Variants in ABCC5 observed in about 807,000 individuals in gnomAD.
ABCC5 encodes ATP binding cassette subfamily C member 5.
In ABCC5, 61 loss-of-function variants were observed where a neutral mutation model predicts 160.9. The ratio of observed to expected loss-of-function variants is 0.38; its 90% CI spans 0.31 to 0.47. The LOEUF (loss-of-function observed/expected upper bound fraction) is 0.47. Among genes scored for constraint, ABCC5 ranks in the 20% least tolerant of loss-of-function variants. The pLI is 0.99. For synonymous variants in ABCC5, 666 were observed against 700.6 expected (o/e 0.95, Z 0.78); for missense variants, 1,308 against 1,813.3 (o/e 0.72, Z 5.06).
intron 25 of ABCC5, among the ~76,000 whole-genome samples, chr3:183,940,077 C>T (rs1236366414): frequency 1.3e-5 from 2 of 152,090 alleles, no homozygotes; most frequent in African/African-American, 2.4e-5. Context: ...AGAAGTAACG[C>T]CCAGGAAACT....
intron 5 of ABCC5, chr3:183,985,158 T>G: frequency 1.3e-6 from 1 of 782,374 alleles, no homozygotes; most frequent in Non-Finnish European, 2.0e-6. Flanking sequence ...AAAAAAGAGG[T>G]TTTCATGAAA....
intron 26 of ABCC5, among the ~76,000 whole-genome samples, chr3:183,929,555 A>G (rs535895902): frequency 6.6e-6 from 1 of 152,320 alleles, no homozygotes; most frequent in South Asian, 2.1e-4. Flanking sequence ...GCTCCAGGAC[A>G]GCTGGCCTGA....
At chr3:184,002,908 AG>A (rs1235132221) in intron 2 of ABCC5, among the ~76,000 whole-genome samples, 1 of 152,158 alleles carries the variant, frequency 6.6e-6, no homozygotes, top group African/African-American at 2.4e-5. Flanking sequence ...TCGGTTTCCA[AG>A]GGGGTTAAAG....
chr3:183,961,481 G>T, intron 16 of ABCC5, 30 bp downstream of exon 16: 2 of 1,611,328 alleles, frequency 1.2e-6, no homozygotes, highest in South Asian at 2.2e-5. Context: ...GAGACAGAAG[G>T]GGACACACGC....
At chr3:183,957,976 G>A (rs551092029) in intron 17 of ABCC5, among the ~76,000 whole-genome samples, 4 of 103,990 alleles carry the variant, frequency 3.8e-5, no homozygotes, top group African/African-American at 1.0e-4. Flanking sequence ...ATGCGGATCC[G>A]TGTGTACATC....
chr3:184,002,125 G>A (rs1355423387), intron 2 of ABCC5, among the ~76,000 whole-genome samples: 2 of 152,078 alleles, frequency 1.3e-5, no homozygotes, highest in Non-Finnish European at 2.9e-5. Context: ...CTGCCGGGTG[G>A]GGTGGCTTAT....
rs575448814 is a variant in ABCC5, at chr3:184,017,088, T to G, written c.-56+742A>C. The stretch of plus-strand genomic sequence containing the variant: ...TGCGGACCACAGTAAAACCTAGCCA[T>G]CTCCTCCTCCAAGACCTCCTGAAAC... On this transcript the variant is annotated intron_variant, in intron 1 of 29. Transcript: ENST00000334444. The surrounding 1 kb of genome is among the most constrained non-coding windows in gnomAD (Gnocchi z 4.5). Among the ~76,000 whole-genome samples, 1 of 152,102 alleles carries G rather than the reference T, an allele frequency of 6.6e-6. No individual in the cohort carries two copies. The highest frequency in any genetic ancestry group is 2.4e-5 in the African/African-American group (1 of 41,400).
intron 12 of ABCC5, among the ~76,000 whole-genome samples, chr3:183,966,644 T>C (rs1717242014): frequency 6.6e-6 from 1 of 152,122 alleles, no homozygotes; most frequent in Admixed American, 6.5e-5. Context: ...CAAATCTGGT[T>C]GGTCATCATA....
At chr3:183,957,648 G>GCTTATCCGTGTGTACATCACAT (rs1716241944) in intron 17 of ABCC5, among the ~76,000 whole-genome samples, 1 of 151,084 alleles carries the variant, frequency 6.6e-6, no homozygotes, top group Non-Finnish European at 1.5e-5. Flanking sequence ...TCGGTTACAT[G>GCTTATCCGTGTGTACATCACAT]CGGATCCGTG....
intron 2 of ABCC5, among the ~76,000 whole-genome samples, chr3:184,012,846 A>C (rs1721872950): frequency 6.6e-6 from 1 of 152,244 alleles, no homozygotes; most frequent in African/African-American, 2.4e-5. Flanking sequence ...TAGGGTACAG[A>C]AAAGACTCAT....
intron 11 of ABCC5, among the ~76,000 whole-genome samples, 157 bp from the exon 12 acceptor site, chr3:183,967,923 C>T (rs1288924179): frequency 2.6e-5 from 4 of 152,162 alleles, no homozygotes; most frequent in Non-Finnish European, 5.9e-5. Context: ...TCATTAGCTG[C>T]CTATCTCATG....
intron 5 of ABCC5, chr3:183,983,892 G>C: frequency 1.0e-6 from 1 of 985,420 alleles, no homozygotes; most frequent in Non-Finnish European, 1.2e-6. Context: ...TACAGGACTA[G>C]CCATCTAACA....
rs554035873 is a variant in ABCC5, at chr3:183,988,279, T to C, written c.443+293A>G. 2.0e-5 allele frequency among the ~76,000 whole-genome samples: 3 copies of C among 152,296 alleles called. No individual in the cohort carries two copies. The highest frequency in any genetic ancestry group is 7.2e-5 in the African/African-American group (3 of 41,566). ...AAAGTTGTAAACTACATTTTAATCA[T>C]GACAATCAGCTACCACAAAAATGTA... is the stretch of plus-strand genomic sequence containing the variant. On this transcript the variant is annotated intron_variant, in intron 4 of 29. Coordinates refer to ENST00000334444, the MANE Select transcript of ABCC5 (RefSeq NM_005688.4). This position sits in a 1 kb window ranked among gnomAD's most constrained non-coding sequence, Gnocchi z 4.4.
rs2108749839 is a variant in ABCC5 at position 183,920,699 on chromosome 3, C to T, written c.*601G>A. On this transcript the variant is annotated 3_prime_UTR_variant, in exon 30 of 30. Coordinates refer to ENST00000334444, the MANE Select transcript of ABCC5 (RefSeq NM_005688.4). This position sits in a 1 kb window ranked among gnomAD's most constrained non-coding sequence, Gnocchi z 4.1. Reference sequence around the variant, plus strand: ...TGGTCTCCAGCCGCCCACCCGTCTCCAGCCACCCCTGGAGCGGCCGTGGGG... The same window carrying T: ...TGGTCTCCAGCCGCCCACCCGTCTCTAGCCACCCCTGGAGCGGCCGTGGGG... 6.5e-6 allele frequency: 1 copy of T among 152,808 alleles called. No homozygotes were observed. Among genetic ancestry groups the T allele is most frequent in the Middle Eastern group, 3.4e-3 (1 of 294 alleles). 9.5% of individuals were successfully genotyped at this position (152,808 alleles called of 1,614,324 possible).
chr3:183,921,446 C>A lies in ABCC5; in HGVS notation c.4213-45G>T. 6.4e-7 allele frequency: 1 copy of A among 1,570,922 alleles called. No homozygotes were observed. The highest frequency in any genetic ancestry group is 1.2e-5 in the South Asian group (1 of 84,886). Reference sequence around the variant, plus strand: ...CGTCAGGACACAGCTCTGGGTCATGCAGGGTGATTCAGAGGATCCACGGCT... The same window carrying A: ...CGTCAGGACACAGCTCTGGGTCATGAAGGGTGATTCAGAGGATCCACGGCT... On this transcript the variant is annotated intron_variant, in intron 29 of 29. Transcript: ENST00000334444. The surrounding 1 kb of genome is among the most constrained non-coding windows in gnomAD (Gnocchi z 4.1).
At chr3:184,004,669 C>G (rs1721034151) in intron 2 of ABCC5, among the ~76,000 whole-genome samples, 1 of 152,128 alleles carries the variant, frequency 6.6e-6, no homozygotes, top group Non-Finnish European at 1.5e-5. Flanking sequence ...CCGTGAGAAG[C>G]AAACACAAAG....
intron 2 of ABCC5, among the ~76,000 whole-genome samples, chr3:184,002,609 G>A (rs939949448): frequency 2.6e-5 from 4 of 152,266 alleles, no homozygotes; most frequent in African/African-American, 9.6e-5. Flanking sequence ...GATAATCAGC[G>A]CACCTATCAC....
At chr3:183,989,414 GCA>G in intron 2 of ABCC5, 31 bp from the exon 3 acceptor site, 1 of 1,611,876 alleles carries the variant, frequency 6.2e-7, no homozygotes, top group Non-Finnish European at 8.5e-7. Context: ...AAAGGCAAGA[GCA>G]CAGTTAATAC....
chr3:183,990,025 G>C (rs965808884), intron 2 of ABCC5, among the ~76,000 whole-genome samples: 1 of 151,992 alleles, frequency 6.6e-6, no homozygotes, highest in Admixed American at 6.6e-5. Flanking sequence ...GGCTGGTTTC[G>C]AACTCCTGAC....
Sources: allele counts gnomAD v4.1 joint callset (sites outside exome capture counted in the v4.1 genomes callset), GRCh38; gene constraint gnomAD v4.1.1; non-coding constraint Gnocchi (gnomAD v3.1); transcripts MANE v1.5; gene names NCBI Gene and HGNC (gene_info 2026-07-23, HGNC 2026-07-21).